PRKN: variants seen among roughly 807,000 people sequenced by gnomAD.
The protein encoded by PRKN is E3 ubiquitin-protein ligase parkin.
Under a neutral mutation model 59.5 loss-of-function variants are expected in PRKN, and 56 were observed. The ratio of observed to expected loss-of-function variants is 0.94; its 90% CI spans 0.76 to 1.18. The LOEUF is 1.18. PRKN is among the 50% of genes most tolerant of loss of function. PRKN has a pLI of 0.00. For synonymous variants in PRKN, 250 were observed against 222.1 expected, an observed-to-expected ratio of 1.13 and a Z score of -1.12; for missense variants, 657 against 596.4, an observed-to-expected ratio of 1.10 and a Z score of -1.06.
At chr6:162,272,925 G>A (rs752374795) in intron 2 of PRKN, among the ~76,000 whole-genome samples, 6 of 150,742 alleles carry the variant, frequency 4.0e-5, no homozygotes, top group African/African-American at 7.3e-5. Flanking sequence ...CGTTTGAGCC[G>A]GGAGGCGGAG....
At chr6:161,655,561 G>A (rs745352596) in intron 7 of PRKN, among the ~76,000 whole-genome samples, 1 of 152,226 alleles carries the variant, frequency 6.6e-6, no homozygotes, top group Non-Finnish European at 1.5e-5. Flanking sequence ...TCTGCAGACA[G>A]TCCACTCCAT....
At chr6:162,410,292 C>G (rs1788287707) in intron 2 of PRKN, among the ~76,000 whole-genome samples, 1 of 152,022 alleles carries the variant, frequency 6.6e-6, no homozygotes, top group Non-Finnish European at 1.5e-5. Flanking sequence ...GGGAAGAGAT[C>G]CTCAGTTCCC....
intron 7 of PRKN, among the ~76,000 whole-genome samples, chr6:161,761,295 A>G (rs1789190424): frequency 6.6e-6 from 1 of 152,120 alleles, no homozygotes; most frequent in Non-Finnish European, 1.5e-5. Context: ...TATGACTAGC[A>G]CTGTGGCCGA....
At chr6:162,296,211 ATCCCCCCACCCCCTTCTAT>A in intron 2 of PRKN, among the ~76,000 whole-genome samples, 1 of 126,050 alleles carries the variant, frequency 7.9e-6, no homozygotes, top group East Asian at 2.8e-4. Flanking sequence ...GAATGTGCCC[ATCCCCCCACCCCCTTCTAT>A]GCCCCCCACC....
chr6:161,787,158 T>C (rs920299820), intron 6 of PRKN, among the ~76,000 whole-genome samples: 10 of 152,220 alleles, frequency 6.6e-5, no homozygotes, highest in Non-Finnish European at 1.3e-4. Context: ...GCCCTTTTTC[T>C]AGAGAAATGA....
chr6:162,243,354 G>A (rs190539752), intron 3 of PRKN, among the ~76,000 whole-genome samples: 6 of 152,086 alleles, frequency 3.9e-5, no homozygotes, highest in Non-Finnish European at 7.4e-5. Context: ...ACTTATCAAT[G>A]ACAGCTCTTC....
intron 1 of PRKN, among the ~76,000 whole-genome samples, chr6:162,717,719 G>A (rs990845932): frequency 3.3e-5 from 5 of 152,174 alleles, no homozygotes; most frequent in South Asian, 2.1e-4. Flanking sequence ...GCCATGCCCC[G>A]ATAGTGTATA....
chr6:162,709,940 C>T (rs2128238400), intron 1 of PRKN, among the ~76,000 whole-genome samples: 2 of 152,194 alleles, frequency 1.3e-5, no homozygotes, highest in South Asian at 4.2e-4. Context: ...GTCCTGTGTG[C>T]TAATGAGGCT....
intron 6 of PRKN, among the ~76,000 whole-genome samples, chr6:161,946,336 G>C (rs1779771342): frequency 6.7e-6 from 1 of 149,690 alleles, no homozygotes. Context: ...GAATCTTTAG[G>C]AGAAATAAAG....
At chr6:162,410,624 G>A (rs1311420667) in intron 2 of PRKN, among the ~76,000 whole-genome samples, 1 of 152,182 alleles carries the variant, frequency 6.6e-6, no homozygotes, top group Non-Finnish European at 1.5e-5. Flanking sequence ...GGAGAGCAGA[G>A]GTGATTGAAA....
chr6:162,038,893 G>A (rs574797058), intron 5 of PRKN, among the ~76,000 whole-genome samples: 5 of 152,242 alleles, frequency 3.3e-5, no homozygotes, highest in South Asian at 4.1e-4. Context: ...GGTGGTTCAC[G>A]CCTGTAATCC....
intron 1 of PRKN, among the ~76,000 whole-genome samples, chr6:162,446,916 C>T (rs1215634156): frequency 6.6e-6 from 1 of 152,142 alleles, no homozygotes. Flanking sequence ...TTTAAAGTCA[C>T]AGAAGGCAGA....
At chr6:161,861,689 C>G (rs1267059287) in intron 6 of PRKN, among the ~76,000 whole-genome samples, 3 of 151,434 alleles carry the variant, frequency 2.0e-5, no homozygotes, top group African/African-American at 7.3e-5. Flanking sequence ...AGATAATCCC[C>G]AAATCCTACC....
chr6:161,399,490 C>T lies in PRKN; in HGVS notation c.1084-12613G>A, dbSNP rs1457816637. ...TGTGGGGCCAGAGCCCAGAAGTGCT[C>T]GTCCTGGCTCCTGCACCTGCTCATC... is the stretch of plus-strand genomic sequence containing the variant. On this transcript the variant is annotated intron_variant, in intron 9 of 11. Transcript: ENST00000366898. This position sits in a 1 kb window ranked among gnomAD's most constrained non-coding sequence, Gnocchi z 4.4. 6.6e-6 allele frequency among the ~76,000 whole-genome samples: 1 copy of T among 152,208 alleles called. No individual in the cohort carries two copies.
chr6:161,706,091 A>G (rs796245287), intron 7 of PRKN, among the ~76,000 whole-genome samples: 30 of 151,178 alleles, frequency 2.0e-4, no homozygotes, highest in African/African-American at 6.6e-4. Flanking sequence ...GCCCACTTTC[A>G]TTCCCCTCCT....
chr6:161,517,761 A>AAAT (rs1562499835), intron 9 of PRKN, among the ~76,000 whole-genome samples: 18 of 149,408 alleles, frequency 1.2e-4, no homozygotes, highest in African/African-American at 4.2e-4. Context: ...AAAAAAAAAA[A>AAAT]AAAAGAGTTG....
At chr6:161,725,902 A>G (rs527808426) in intron 7 of PRKN, among the ~76,000 whole-genome samples, 1 of 152,244 alleles carries the variant, frequency 6.6e-6, no homozygotes, top group African/African-American at 2.4e-5. Flanking sequence ...GATCTTCCAT[A>G]TACTGTCAGA....
intron 6 of PRKN, among the ~76,000 whole-genome samples, chr6:161,812,184 T>C (rs1249313043): frequency 2.0e-5 from 3 of 151,838 alleles, no homozygotes; most frequent in Non-Finnish European, 4.4e-5. Context: ...CCCAGGAGAT[T>C]GAGGCCAGCC....
intron 9 of PRKN, among the ~76,000 whole-genome samples, chr6:161,532,292 C>T (rs1206263312): frequency 1.3e-5 from 2 of 151,902 alleles, no homozygotes; most frequent in Non-Finnish European, 2.9e-5. Context: ...TTAAAATTCG[C>T]AAGTTTTAGG....
Sources: gnomAD v4.1 joint callset for allele counts (sites outside exome capture counted in the v4.1 genomes callset) on GRCh38, gnomAD v4.1.1 for gene constraint, Gnocchi (gnomAD v3.1) non-coding constraint, MANE v1.5 for transcripts, NCBI Gene and HGNC (gene_info 2026-07-23, HGNC 2026-07-21) for gene names.